Variants in ACOX2 observed in about 807,000 individuals in gnomAD.
The protein encoded by ACOX2 is peroxisomal acyl-coenzyme A oxidase 2.
A neutral mutation model predicts 77.5 loss-of-function variants in ACOX2; 59 were observed. The ratio of observed to expected loss-of-function variants is 0.76; its 90% CI spans 0.62 to 0.95. The LOEUF (loss-of-function observed/expected upper bound fraction) is 0.95. ACOX2 is among the 40% of genes least tolerant of loss of function. ACOX2 has a pLI of 0.00. For synonymous variants in ACOX2, 317 were observed against 340.1 expected (o/e 0.93, Z 0.75); for missense variants, 837 against 880.4 (o/e 0.95, Z 0.62).
Position 58,528,696 on chromosome 3 carries a change from G to A in ACOX2, c.1155+98C>T. ...AAGCTGGGAGAGGTGGGGGTGGGGAGTGCCCATGGGGATGGGGCTGTGGCT... is the reference window on the plus strand; with the variant it reads ...AAGCTGGGAGAGGTGGGGGTGGGGAATGCCCATGGGGATGGGGCTGTGGCT... On this transcript the variant is annotated intron_variant, in intron 9 of 14. Transcript: ENST00000302819. This position sits in a 1 kb window ranked among gnomAD's most constrained non-coding sequence, Gnocchi z 5.6. 1.4e-6 allele frequency: 2 copies of A among 1,392,340 alleles called. No homozygotes were observed. Among genetic ancestry groups the A allele is most frequent in the African/African-American group, 1.4e-5 (1 of 69,290 alleles). The allele number at this position is 1,392,340 out of a possible 1,614,324, so 86.2% of individuals were successfully genotyped here.
At chr3:58,513,189 C>T (rs1228922369) in intron 13 of ACOX2, among the ~76,000 whole-genome samples, 2 of 152,148 alleles carry the variant, frequency 1.3e-5, no homozygotes, top group Non-Finnish European at 1.5e-5. Context: ...GTAGGTATTA[C>T]CATTTCACAT....
Position 58,526,786 on chromosome 3 carries a change from C to G in ACOX2, c.1156-130G>C. ...TGAGGTAAGAAGTGTTTCCTCTGCT[C>G]ACAACTTTATGAATGAGAAGGCGGG... On this transcript the variant is annotated intron_variant, in intron 9 of 14. Transcript: ENST00000302819. The surrounding 1 kb of genome is among the most constrained non-coding windows in gnomAD (Gnocchi z 4.3). 2.0e-6 allele frequency: 2 copies of G among 1,007,460 alleles called. No individual in the cohort carries two copies. The highest frequency in any genetic ancestry group is 3.4e-5 in the South Asian group (2 of 59,564). 62.4% of individuals were successfully genotyped at this position (1,007,460 alleles called of 1,614,324 possible).
In ACOX2 at chr3:58,521,264, A is replaced by G. The variant is rs953685357; in HGVS notation, c.1632+1232T>C. Among the ~76,000 whole-genome samples, 8 of 152,190 alleles carry G rather than the reference A, an allele frequency of 5.3e-5. No homozygotes were observed. Among genetic ancestry groups the G allele is most frequent in the Admixed American group, 1.3e-4 (2 of 15,280 alleles). ...GGTCACGTGGTGGTGCTCAACGTCC[A>G]GCCTGCCTGACCAGCCCTGTCCCAC... On this transcript the variant is annotated intron_variant, in intron 12 of 14. Transcript: ENST00000302819. The surrounding 1 kb of genome is among the most constrained non-coding windows in gnomAD (Gnocchi z 4.8).
chr3:58,524,094 C>A lies in ACOX2; in HGVS notation c.1526+332G>T, dbSNP rs1466592432. On this transcript the variant is annotated intron_variant, in intron 11 of 14. Transcript: ENST00000302819. This position sits in a 1 kb window ranked among gnomAD's most constrained non-coding sequence, Gnocchi z 5.5. The stretch of plus-strand genomic sequence containing the variant: ...GCTTTATTTATTGGTATTTGCATAT[C>A]AATACATTTGGAGTATTTACATATG... Among the ~76,000 whole-genome samples the A allele has an allele frequency of 1.3e-5, 2 of 152,168 alleles. No homozygotes were observed. The highest frequency in any genetic ancestry group is 2.9e-5 in the Non-Finnish European group (2 of 68,028).
In ACOX2 at chr3:58,505,980, G is replaced by A. The variant is rs988409499; in HGVS notation, c.1984-694C>T. Among the ~76,000 whole-genome samples, 64 of 152,228 alleles carry A rather than the reference G, an allele frequency of 4.2e-4. No homozygotes were observed. The highest frequency in any genetic ancestry group is 1.5e-3 in the African/African-American group (62 of 41,542). Reference sequence around the variant, plus strand: ...TAATTTTTGTATTTTTAATAGAGACGGAGTTTTGCCATGTTGGCCAGGTTG... The same window carrying A: ...TAATTTTTGTATTTTTAATAGAGACAGAGTTTTGCCATGTTGGCCAGGTTG... On this transcript the variant is annotated intron_variant, in intron 14 of 14. Coordinates refer to ENST00000302819, the MANE Select transcript of ACOX2 (RefSeq NM_003500.4). The surrounding 1 kb of genome is among the most constrained non-coding windows in gnomAD (Gnocchi z 4.4).
chr3:58,534,624 GA>G lies in ACOX2; in HGVS notation c.161-103del. 1 of 1,594,866 alleles carries G rather than the reference GA, an allele frequency of 6.3e-7. No individual in the cohort carries two copies. The highest frequency in any genetic ancestry group is 8.5e-7 in the Non-Finnish European group (1 of 1,172,926). On this transcript the variant is annotated intron_variant, in intron 2 of 14. Transcript: ENST00000302819. This position sits in a 1 kb window ranked among gnomAD's most constrained non-coding sequence, Gnocchi z 4.8. ...CTTCATGGATCTGGAAAGGAAGTCA[GA>G]CATTATTGTTATTTTACAGATGACA... is the stretch of plus-strand genomic sequence containing the variant.
In ACOX2 at chr3:58,523,975, C is replaced by A. The variant is rs1349530908; in HGVS notation, c.1526+451G>T. On this transcript the variant is annotated intron_variant, in intron 11 of 14. Coordinates refer to ENST00000302819, the MANE Select transcript of ACOX2 (RefSeq NM_003500.4). The surrounding 1 kb of genome is among the most constrained non-coding windows in gnomAD (Gnocchi z 5.3). ...TCCATGTTCCCTGGAGCCTACTAGA[C>A]CCTGGAAATAAATGAATTCTATCCC... Among the ~76,000 whole-genome samples, 1 of 152,104 alleles carries A rather than the reference C, an allele frequency of 6.6e-6. No individual in the cohort carries two copies. Among genetic ancestry groups the A allele is most frequent in the Non-Finnish European group, 1.5e-5 (1 of 68,042 alleles).
In ACOX2 at chr3:58,519,120, C is replaced by A. The variant is rs1038904190; in HGVS notation, c.1633-1697G>T. 6.6e-6 allele frequency among the ~76,000 whole-genome samples: 1 copy of A among 151,962 alleles called. No individual in the cohort carries two copies. The highest frequency in any genetic ancestry group is 2.4e-5 in the African/African-American group (1 of 41,382). On this transcript the variant is annotated intron_variant, in intron 12 of 14. Coordinates refer to ENST00000302819, the MANE Select transcript of ACOX2 (RefSeq NM_003500.4). This position sits in a 1 kb window ranked among gnomAD's most constrained non-coding sequence, Gnocchi z 5.0. ...GGGGGTTCGGCTGGGCGCGGTGGCT[C>A]ACACCTATATCCCAGCACTTTGGGA...
chr3:58,511,020 T>A lies in ACOX2; in HGVS notation c.1851-1995A>T, dbSNP rs1470845526. On this transcript the variant is annotated intron_variant, in intron 13 of 14. Coordinates refer to ENST00000302819, the MANE Select transcript of ACOX2 (RefSeq NM_003500.4). The stretch of plus-strand genomic sequence containing the variant: ...AGATTGACACTATCCACCTTTCCCA[T>A]CTCTTTTGCCTGGATGGCTTTACAT... The A allele has an allele frequency of 6.6e-6, 3 of 456,640 alleles. No individual in the cohort carries two copies. In the Admixed American group the frequency reaches 7.0e-5, roughly 11 times the overall value. The allele number at this position is 456,640 out of a possible 1,614,324, so 28.3% of individuals were successfully genotyped here.
intron 13 of ACOX2, among the ~76,000 whole-genome samples, chr3:58,509,834 G>A (rs539403192): frequency 2.0e-5 from 3 of 151,902 alleles, no homozygotes; most frequent in Non-Finnish European, 4.4e-5. Flanking sequence ...TCGAATTCCT[G>A]ACCTCAGGTG....
In ACOX2 at chr3:58,510,890, CCCTGATTG is replaced by C. The variant is rs2063282101; in HGVS notation, c.1851-1873_1851-1866del. 3 of 440,480 alleles carry C rather than the reference CCCTGATTG, an allele frequency of 6.8e-6. No individual in the cohort carries two copies. The Admixed American group carries it at 7.3e-5, about 11-fold the overall frequency. 27.3% of individuals were successfully genotyped at this position (440,480 alleles called of 1,614,324 possible). A position where few individuals can be genotyped will look rare whatever the true frequency, so the allele number is the denominator to read the frequency against. On this transcript the variant is annotated intron_variant, in intron 13 of 14. Transcript: ENST00000302819. ...CTGGTGTAATAAGGGCTCAAGTGGG[CCCTGATTG>C]CAGCTCAGCAATCGTATTACATTGC...
chr3:58,510,901 G>C, intron 13 of ACOX2: 1 of 448,036 alleles, frequency 2.2e-6, no homozygotes, highest in South Asian at 1.6e-5. Context: ...CCTGATTGCA[G>C]CTCAGCAATC....
At position 58,521,589 on chromosome 3, in the gene ACOX2, G is replaced by C. The variant is rs1046031915; in HGVS notation, c.1632+907C>G. Among the ~76,000 whole-genome samples, 4 of 152,144 alleles carry C rather than the reference G, an allele frequency of 2.6e-5. No homozygotes were observed. Among genetic ancestry groups the C allele is most frequent in the Admixed American group, 2.0e-4 (3 of 15,278 alleles). ...GTTCAGACTTGCTCCTTTCTAACTT[G>C]CTCCCTTTCATTCCATCCTGGGCAA... On this transcript the variant is annotated intron_variant, in intron 12 of 14. Coordinates refer to ENST00000302819, the MANE Select transcript of ACOX2 (RefSeq NM_003500.4). This position sits in a 1 kb window ranked among gnomAD's most constrained non-coding sequence, Gnocchi z 4.8.
Position 58,534,558 on chromosome 3 carries a change from G to A in ACOX2, c.161-36C>T, listed in dbSNP as rs747092622. The A allele has an allele frequency of 1.9e-6, 3 of 1,613,958 alleles. No individual in the cohort carries two copies. The African/African-American group carries it at 4.0e-5, about 22-fold the overall frequency. ...CAGAGAACAGAGGGCTTAGGGACCT[G>A]GGTGAGGTTTCTGGCACCTTGAAAT... is the stretch of plus-strand genomic sequence containing the variant. On this transcript the variant is annotated intron_variant, in intron 2 of 14. Coordinates refer to ENST00000302819, the MANE Select transcript of ACOX2 (RefSeq NM_003500.4). This position sits in a 1 kb window ranked among gnomAD's most constrained non-coding sequence, Gnocchi z 4.8.
rs374565538 is a variant in ACOX2, at chr3:58,526,659, G to A, written c.1156-3C>T. ...ATGCCCGTGCTCAGTGCGTGGAGCTGTGAGAACATGGAGGGGGGTTGGGCG... is the reference window on the plus strand; with the variant it reads ...ATGCCCGTGCTCAGTGCGTGGAGCTATGAGAACATGGAGGGGGGTTGGGCG... On this transcript the variant is annotated splice_polypyrimidine_tract_variant and splice_region_variant and intron_variant, in intron 9 of 14. Coordinates refer to ENST00000302819, the MANE Select transcript of ACOX2 (RefSeq NM_003500.4). This position sits in a 1 kb window ranked among gnomAD's most constrained non-coding sequence, Gnocchi z 4.3. The A allele has an allele frequency of 4.3e-5, 70 of 1,613,022 alleles. No homozygotes were observed. Among genetic ancestry groups the A allele is most frequent in the Non-Finnish European group, 5.7e-5 (67 of 1,179,438 alleles).
chr3:58,534,243 A>C lies in ACOX2; in HGVS notation c.324-98T>G. The C allele has an allele frequency of 6.3e-7, 1 of 1,576,700 alleles. No homozygotes were observed. The highest frequency in any genetic ancestry group is 8.6e-7 in the Non-Finnish European group (1 of 1,163,890). On this transcript the variant is annotated intron_variant, in intron 3 of 14. Transcript: ENST00000302819. The surrounding 1 kb of genome is among the most constrained non-coding windows in gnomAD (Gnocchi z 4.8). ...GTACAGGAGATAAAGGGCACCTAGC[A>C]TCCTGGTTTCCCAACAAGTCTTCCC...
chr3:58,534,592 C>G lies in ACOX2; in HGVS notation c.161-70G>C, dbSNP rs776120586. ...TTCTGGCACCTTGAAATCTTCTCACCCACTTGCTTCATGGATCTGGAAAGG... is the reference window on the plus strand; with the variant it reads ...TTCTGGCACCTTGAAATCTTCTCACGCACTTGCTTCATGGATCTGGAAAGG... On this transcript the variant is annotated intron_variant, in intron 2 of 14. Coordinates refer to ENST00000302819, the MANE Select transcript of ACOX2 (RefSeq NM_003500.4). This position sits in a 1 kb window ranked among gnomAD's most constrained non-coding sequence, Gnocchi z 4.8. 4.3e-6 allele frequency: 7 copies of G among 1,611,848 alleles called. No homozygotes were observed. The highest frequency in any genetic ancestry group is 1.1e-5 in the South Asian group (1 of 90,830).
chr3:58,530,483 T>C lies in ACOX2; in HGVS notation c.975A>G (p.Gln325=), dbSNP rs1439775897. 1.9e-6 allele frequency: 3 copies of C among 1,613,932 alleles called. No individual in the cohort carries two copies. Among genetic ancestry groups the C allele is most frequent in the Non-Finnish European group, 2.5e-6 (3 of 1,179,912 alleles). Residue 325 remains glutamine, a synonymous_variant, in exon 8 of 15, where the codon CAA becomes CAG. Coordinates refer to ENST00000302819, the MANE Select transcript of ACOX2 (RefSeq NM_003500.4). ...IAMRYSVIRR[Q]SRLRPSDPEA... is the part of the protein sequence containing the mutation. ...CCCCTTGCCTGGGCCGGAGCCGGGA[T>C]TGGCGGCGGATGACCGAGTAGCGCA...
Position 58,505,295 on chromosome 3 carries a change from A to G in ACOX2, c.1984-9T>C, listed in dbSNP as rs767016709. The G allele has an allele frequency of 2.2e-5, 35 of 1,610,310 alleles. 1 individual carries two copies. In the Middle Eastern group the frequency reaches 6.6e-4, roughly 30 times the overall value. ...TCATAGGCAGGGTTCTCCTGTTTGT[A>G]GAAAGAAACGCATTATTAACACAGT... is the stretch of plus-strand genomic sequence containing the variant. On this transcript the variant is annotated splice_polypyrimidine_tract_variant and intron_variant, in intron 14 of 14. Transcript: ENST00000302819. The surrounding 1 kb of genome is among the most constrained non-coding windows in gnomAD (Gnocchi z 4.4).
Sources: gnomAD v4.1 joint callset for allele counts (sites outside exome capture counted in the v4.1 genomes callset) on GRCh38, gnomAD v4.1.1 for gene constraint, Gnocchi (gnomAD v3.1) non-coding constraint, MANE v1.5 for transcripts, NCBI Gene and HGNC (gene_info 2026-07-23, HGNC 2026-07-21) for gene names.